The following CACNA1H variants were observed in gnomAD, a reference collection of about 807,000 sequenced individuals.
The protein encoded by CACNA1H is calcium voltage-gated channel subunit alpha1 H, also known as voltage-dependent T-type calcium channel subunit alpha-1H.
In CACNA1H, 149 loss-of-function variants were observed where a neutral mutation model predicts 192.5. The observed-to-expected ratio is 0.77, with a 90% CI of 0.68 to 0.89. The LOEUF (loss-of-function observed/expected upper bound fraction) is 0.89, where lower values mean the gene tolerates loss of function less well. Among genes scored for constraint, CACNA1H ranks in the 40% least tolerant of loss-of-function variants. CACNA1H has a pLI of 0.00. For synonymous variants in CACNA1H, 2,202 were observed against 1,475.2 expected (o/e 1.49, Z -11.29); for missense variants, 4,257 against 3,423.5 (o/e 1.24, Z -6.08).
chr16:1,156,751 G>A (rs1412857177), intron 2 of CACNA1H, among the ~76,000 whole-genome samples: 5 of 151,912 alleles, frequency 3.3e-5, no homozygotes, highest in African/African-American at 4.8e-5. Context: ...GCTGCTGTCC[G>A]CCGGGCCCAG....
Position 1,215,297 on chromosome 16 carries a change from G to A in CACNA1H, c.5095G>A (p.Glu1699Lys). Residue 1699 changes from glutamate (E) to lysine (K), a missense_variant, in exon 29 of 35, where the codon GAG becomes AAG. Coordinates refer to ENST00000348261, the MANE Select transcript of CACNA1H (RefSeq NM_021098.3). Reference protein sequence around the residue: ...VLLSLMGITLEEIEMSAALPI... With the variant: ...VLLSLMGITLKEIEMSAALPI... ...GCTGTCACTCATGGGCATCACGCTGGAGGAGATAGAGATGAGCGCCGCGCT... is the reference window on the plus strand; with the variant it reads ...GCTGTCACTCATGGGCATCACGCTGAAGGAGATAGAGATGAGCGCCGCGCT... 6.2e-7 allele frequency: 1 copy of A among 1,610,050 alleles called. No homozygotes were observed. Among genetic ancestry groups the A allele is most frequent in the Non-Finnish European group, 8.5e-7 (1 of 1,178,664 alleles).
chr16:1,218,661 C>T lies in CACNA1H; in HGVS notation c.5887+10C>T. ...GCCGGCACCCCCTTGGGTATGGTAG[C>T]CAGCAGGAAGATATGGGCTGGGTGG... On this transcript the variant is annotated intron_variant, in intron 33 of 34. Coordinates refer to ENST00000348261, the MANE Select transcript of CACNA1H (RefSeq NM_021098.3). The T allele has an allele frequency of 1.3e-6, 2 of 1,528,442 alleles. No homozygotes were observed. The highest frequency in any genetic ancestry group is 2.4e-5 in the East Asian group (1 of 41,444). The allele number at this position is 1,528,442 out of a possible 1,614,324, so 94.7% of individuals were successfully genotyped here.
chr16:1,194,264 G>C (rs1428529845), intron 2 of CACNA1H, among the ~76,000 whole-genome samples: 1 of 152,210 alleles, frequency 6.6e-6, no homozygotes, highest in Non-Finnish European at 1.5e-5. Flanking sequence ...GGGACTGTCA[G>C]AGCTGGTGCC....
chr16:1,155,125 T>C (rs148080136), intron 2 of CACNA1H, among the ~76,000 whole-genome samples: 2 of 152,346 alleles, frequency 1.3e-5, no homozygotes, highest in African/African-American at 4.8e-5. Context: ...AAGAGGAATC[T>C]GTACAAAAAA....
intron 14 of CACNA1H, 88 bp from the exon 15 acceptor site, chr16:1,207,682 C>A: frequency 8.1e-7 from 1 of 1,241,520 alleles, no homozygotes; most frequent in Non-Finnish European, 1.2e-6. Context: ...CACACCCCAC[C>A]TCCCAGGCCA....
chr16:1,221,513 C>T lies in CACNA1H; in HGVS notation c.*519C>T, dbSNP rs1970478523. On this transcript the variant is annotated 3_prime_UTR_variant, in exon 35 of 35. Transcript: ENST00000348261. ...ACCCTTTCCGTTCCGCTCGGGCCTT[C>T]CCAGAAGCGTCCTGTGACTCTGGGA... 2.3e-6 allele frequency: 1 copy of T among 437,534 alleles called. No homozygotes were observed. The highest frequency in any genetic ancestry group is 3.1e-5 in the South Asian group (1 of 32,406). The allele number at this position is 437,534 out of a possible 1,614,324, so 27.1% of individuals were successfully genotyped here.
At chr16:1,157,670 AAC>A (rs1962609483) in intron 2 of CACNA1H, 1 of 152,266 alleles carries the variant, frequency 6.6e-6, no homozygotes, top group Admixed American at 6.5e-5. Context: ...GACCCTCTTG[AAC>A]ACTTTGTCTT....
At chr16:1,213,594 G>C (rs984404858) in intron 26 of CACNA1H, among the ~76,000 whole-genome samples, 186 bp from the exon 27 acceptor site, 18 of 152,028 alleles carry the variant, frequency 1.2e-4, no homozygotes, top group African/African-American at 4.1e-4. Flanking sequence ...CTTTTCCTGA[G>C]AGAGTCCCCC....
chr16:1,174,960 C>T (rs1239221564), intron 2 of CACNA1H, among the ~76,000 whole-genome samples: 1 of 150,912 alleles, frequency 6.6e-6, no homozygotes, highest in Non-Finnish European at 1.5e-5. Context: ...CCCCCACCTC[C>T]ACCCCCACCA....
intron 2 of CACNA1H, among the ~76,000 whole-genome samples, chr16:1,176,920 G>T (rs111640028): frequency 2.6e-5 from 4 of 152,168 alleles, no homozygotes; most frequent in African/African-American, 9.7e-5. Flanking sequence ...GCTGCTGTGA[G>T]GATGTTCCGT....
In CACNA1H at chr16:1,170,078, G is replaced by A. The variant is rs535414088; in HGVS notation, c.299+16042G>A. On this transcript the variant is annotated intron_variant, in intron 2 of 34. Transcript: ENST00000348261. ...CCCCCTCCCCCGCTCGCCTCTCCAG[G>A]GCGGCCTCCCGGCTTACAGCGAGCT... 5.9e-5 allele frequency among the ~76,000 whole-genome samples: 9 copies of A among 152,320 alleles called. No homozygotes were observed. The East Asian group carries it at 1.7e-3, about 29-fold the overall frequency.
rs112741452 is a variant in CACNA1H, at chr16:1,208,928, A to G, written c.3364-104A>G. The G allele has an allele frequency of 3.3e-3, 4,107 of 1,229,034 alleles. 103 individuals carry two copies. The African/African-American group carries it at 0.055, about 17-fold the overall frequency. The allele number at this position is 1,229,034 out of a possible 1,614,324, so 76.1% of individuals were successfully genotyped here. On this transcript the variant is annotated intron_variant, in intron 16 of 34. Coordinates refer to ENST00000348261, the MANE Select transcript of CACNA1H (RefSeq NM_021098.3). ...CCGTGCCTCCCTGGCGGGGCTATGC[A>G]TTAAATGATCCACGTGTGGCTTGCA...
intron 2 of CACNA1H, among the ~76,000 whole-genome samples, chr16:1,193,960 T>G (rs1221103090): frequency 6.6e-6 from 1 of 152,156 alleles, no homozygotes; most frequent in Non-Finnish European, 1.5e-5. Flanking sequence ...ACCCCAGTGC[T>G]GCACGCAGCA....
rs1970082965 is a variant in CACNA1H, at chr16:1,217,028, C to T, written c.5323+18C>T. On this transcript the variant is annotated intron_variant, in intron 31 of 34. Coordinates refer to ENST00000348261, the MANE Select transcript of CACNA1H (RefSeq NM_021098.3). ...GAGGCTGGGTGAGTGGCTCCTGCGC[C>T]CTCCTCCTGGCACACATGGGGTCCT... 2.5e-6 allele frequency: 4 copies of T among 1,571,482 alleles called. No individual in the cohort carries two copies. Among genetic ancestry groups the T allele is most frequent in the Non-Finnish European group, 3.5e-6 (4 of 1,157,258 alleles).
chr16:1,221,205 GTTTCTCCGAGT>G lies in CACNA1H; in HGVS notation c.*215_*225del, dbSNP rs1970458518. On this transcript the variant is annotated 3_prime_UTR_variant, in exon 35 of 35. Coordinates refer to ENST00000348261, the MANE Select transcript of CACNA1H (RefSeq NM_021098.3). ...CGAGCCTCCGTCCGTTCTGGTTCGG[GTTTCTCCGAGT>G]TTTGCTACCAGCCGAGGCTGTGCGG... 1.9e-6 allele frequency: 1 copy of G among 516,810 alleles called. No homozygotes were observed. Among genetic ancestry groups the G allele is most frequent in the African/African-American group, 1.9e-5 (1 of 52,308 alleles). The allele number at this position is 516,810 out of a possible 1,614,324, so 32.0% of individuals were successfully genotyped here.
At chr16:1,206,006 C>A in intron 11 of CACNA1H, 98 bp from the exon 12 acceptor site, 1 of 1,175,920 alleles carries the variant, frequency 8.5e-7, no homozygotes. Flanking sequence ...CAGCACAGGC[C>A]GCTGTGGCTC....
At chr16:1,217,808 T>C in intron 31 of CACNA1H, 111 bp from the exon 32 acceptor site, 1 of 1,377,030 alleles carries the variant, frequency 7.3e-7, no homozygotes, top group South Asian at 1.5e-5. Flanking sequence ...ATCCACATCC[T>C]CCGGGCTATC....
At chr16:1,172,213 T>C (rs1463794138) in intron 2 of CACNA1H, among the ~76,000 whole-genome samples, 2 of 152,154 alleles carry the variant, frequency 1.3e-5, no homozygotes, top group Non-Finnish European at 2.9e-5. Context: ...AGGGCGAGTC[T>C]GCCTTTCCTG....
chr16:1,203,719 C>G (rs567384663), intron 9 of CACNA1H, among the ~76,000 whole-genome samples: 2 of 152,320 alleles, frequency 1.3e-5, no homozygotes, highest in South Asian at 2.1e-4. Context: ...CTTGTCGACA[C>G]GTCCCTGCGG....
Sources: allele counts gnomAD v4.1 joint callset (sites outside exome capture counted in the v4.1 genomes callset), GRCh38; gene constraint gnomAD v4.1.1; transcripts MANE v1.5; gene names NCBI Gene and HGNC (gene_info 2026-07-23, HGNC 2026-07-21).